The following PDE3B variants were observed in gnomAD, a reference collection of about 807,000 sequenced individuals.
The protein encoded by PDE3B is phosphodiesterase 3B, also known as cGMP-inhibited 3',5'-cyclic phosphodiesterase 3B.
PDE3B carries 66 observed loss-of-function variants against 116.8 expected under a neutral mutation model. The observed-to-expected ratio is 0.56, with a 90% confidence interval of 0.46 to 0.69. PDE3B has a LOEUF of 0.69. Ranked by LOEUF, PDE3B falls within the 30% of genes least tolerant of loss-of-function variation. The pLI is 0.00. For missense variants in PDE3B, 1,384 were observed against 1,368.1 expected (o/e 1.01, Z -0.18); for synonymous variants, 595 against 533.6 (o/e 1.12, Z -1.59).
intron 7 of PDE3B, among the ~76,000 whole-genome samples, chr11:14,828,167 AC>A (rs1300023156): frequency 6.6e-6 from 1 of 152,224 alleles, no homozygotes; most frequent in Non-Finnish European, 1.5e-5. Flanking sequence ...ACAAAAATCA[AC>A]TAAAGATGGT....
chr11:14,730,195 T>A (rs576709756), intron 1 of PDE3B, among the ~76,000 whole-genome samples: 19 of 152,348 alleles, frequency 1.2e-4, no homozygotes, highest in Admixed American at 1.1e-3. Flanking sequence ...GATACTCCCC[T>A]CTGCATCATT....
chr11:14,812,061 GA>G (rs1391376883), intron 5 of PDE3B, among the ~76,000 whole-genome samples: 1 of 152,102 alleles, frequency 6.6e-6, no homozygotes, highest in Non-Finnish European at 1.5e-5. Flanking sequence ...ATAGCAAGTT[GA>G]ATGAACTAAG....
intron 1 of PDE3B, among the ~76,000 whole-genome samples, chr11:14,756,689 G>A (rs1349619071): frequency 6.6e-6 from 1 of 152,130 alleles, no homozygotes; most frequent in Admixed American, 6.5e-5. Context: ...ACCTCAGAGA[G>A]CAGGATTACT....
At chr11:14,667,709 G>A (rs1656380728) in intron 1 of PDE3B, among the ~76,000 whole-genome samples, 1 of 150,982 alleles carries the variant, frequency 6.6e-6, no homozygotes, top group South Asian at 2.1e-4. Flanking sequence ...GAGGGTGGAG[G>A]GATAGCATTA....
In PDE3B at chr11:14,743,749, T is replaced by C. The variant is rs184113241; in HGVS notation, c.979-28188T>C. Among the ~76,000 whole-genome samples the C allele has an allele frequency of 4.6e-5, 7 of 152,328 alleles. No homozygotes were observed. In the East Asian group the frequency reaches 1.4e-3, roughly 29 times the overall value. On this transcript the variant is annotated intron_variant, in intron 1 of 15. Transcript: ENST00000282096. ...TGCAAAGACTGTGGGAAATGCGTAC[T>C]ATCTGGGCCGCAATGCACCATTCCT...
chr11:14,855,382 A>G (rs1274784855), intron 12 of PDE3B, among the ~76,000 whole-genome samples: 9 of 152,172 alleles, frequency 5.9e-5, no homozygotes, highest in African/African-American at 2.2e-4. Flanking sequence ...AGATGAAAAC[A>G]ATACATCTAT....
At chr11:14,745,447 G>A (rs371879157) in intron 1 of PDE3B, among the ~76,000 whole-genome samples, 1 of 151,110 alleles carries the variant, frequency 6.6e-6, no homozygotes, top group South Asian at 2.1e-4. Flanking sequence ...TTTTAACCAC[G>A]TACTTTTCTT....
intron 1 of PDE3B, among the ~76,000 whole-genome samples, chr11:14,733,200 A>G (rs1389656123): frequency 6.6e-6 from 1 of 152,238 alleles, no homozygotes; most frequent in Non-Finnish European, 1.5e-5. Flanking sequence ...AAGGAGAAAC[A>G]ATGAGGAACT....
At chr11:14,803,469 T>C (rs1858831020) in intron 4 of PDE3B, among the ~76,000 whole-genome samples, 2 of 152,148 alleles carry the variant, frequency 1.3e-5, no homozygotes, top group African/African-American at 4.8e-5. Context: ...ATATAAGAAC[T>C]TGTTAGAAGT....
the PDE3B span, chr11:14,879,471 T>A: frequency 3.9e-6 from 6 of 1,543,994 alleles, no homozygotes; most frequent in Non-Finnish European, 3.5e-6. Flanking sequence ...TTCAAGTTAT[T>A]ATGCAGTTCT....
At chr11:14,679,825 C>G (rs1265889489) in intron 1 of PDE3B, among the ~76,000 whole-genome samples, 1 of 152,030 alleles carries the variant, frequency 6.6e-6, no homozygotes, top group Non-Finnish European at 1.5e-5. Context: ...GTTCCTATCA[C>G]TACAGTTCAC....
At chr11:14,700,773 T>A (rs1350656290) in intron 1 of PDE3B, 1 of 151,794 alleles carries the variant, frequency 6.6e-6, no homozygotes, top group East Asian at 1.9e-4. Context: ...TTTTCTGCAC[T>A]GTATCATGTT....
intron 4 of PDE3B, among the ~76,000 whole-genome samples, chr11:14,800,672 C>A (rs1590156021): frequency 6.6e-6 from 1 of 152,126 alleles, no homozygotes; most frequent in Middle Eastern, 3.4e-3. Flanking sequence ...TTGTGGTATT[C>A]TCTGTATTTC....
intron 12 of PDE3B, among the ~76,000 whole-genome samples, chr11:14,845,219 A>C (rs544160757): frequency 6.6e-6 from 1 of 152,062 alleles, no homozygotes; most frequent in African/African-American, 2.4e-5. Flanking sequence ...GCTGGTACCC[A>C]GGCAAACAGG....
chr11:14,822,743 T>C (rs1037377818), intron 7 of PDE3B, among the ~76,000 whole-genome samples: 2 of 152,176 alleles, frequency 1.3e-5, no homozygotes, highest in Non-Finnish European at 2.9e-5. Flanking sequence ...CTTGGCAAAG[T>C]AGGAGGTTAG....
At chr11:14,788,681 A>C (rs1218447369) in intron 3 of PDE3B, among the ~76,000 whole-genome samples, 1 of 152,004 alleles carries the variant, frequency 6.6e-6, no homozygotes, top group East Asian at 1.9e-4. Context: ...GTTTCTCCTG[A>C]TTAACAGCTA....
intron 1 of PDE3B, among the ~76,000 whole-genome samples, chr11:14,731,098 C>A (rs1460292415): frequency 2.6e-5 from 4 of 152,050 alleles, no homozygotes; most frequent in Non-Finnish European, 5.9e-5. Context: ...TTTTAACTTA[C>A]ATACAGGAAC....
chr11:14,892,094 C>A, the PDE3B span: 3 of 1,611,638 alleles, frequency 1.9e-6, no homozygotes, highest in Non-Finnish European at 2.5e-6. Flanking sequence ...GGGGGGAAGC[C>A]CATCGGCCGC....
the PDE3B span, among the ~76,000 whole-genome samples, chr11:14,884,655 C>T: frequency 1.3e-5 from 2 of 151,374 alleles, no homozygotes; most frequent in South Asian, 4.2e-4. Flanking sequence ...AAATTGTGCA[C>T]CTGTACCCTA....
Sources: allele counts gnomAD v4.1 joint callset (sites outside exome capture counted in the v4.1 genomes callset), GRCh38; gene constraint gnomAD v4.1.1; transcripts MANE v1.5; gene names NCBI Gene and HGNC (gene_info 2026-07-23, HGNC 2026-07-21).